Variants in PROX2 observed in about 807,000 individuals in gnomAD.
PROX2 encodes the protein prospero homeobox protein 2.
PROX2 carries 46 observed loss-of-function variants against 48.9 expected under a neutral mutation model. That is an observed-to-expected ratio of 0.94 (90% confidence interval 0.74 to 1.20). The LOEUF (loss-of-function observed/expected upper bound fraction) is 1.20, where lower values mean the gene tolerates loss of function less well. PROX2 is among the 50% of genes most tolerant of loss of function. PROX2 has a pLI of 0.00. For missense variants in PROX2, 663 were observed against 719.4 expected (o/e 0.92, Z 0.90); for synonymous variants, 260 against 276.6 (o/e 0.94, Z 0.60).
chr14:74,857,232 G>T, intron 4 of PROX2: 1 of 412,952 alleles, frequency 2.4e-6, no homozygotes, highest in Non-Finnish European at 4.3e-6. Context: ...TGATATGCTA[G>T]ATTTATGGGG....
intron 1 of PROX2, among the ~76,000 whole-genome samples, chr14:74,875,416 T>A (rs1302509029): frequency 1.3e-5 from 2 of 152,266 alleles, no homozygotes; most frequent in Non-Finnish European, 2.9e-5. Flanking sequence ...CTGCAATGCC[T>A]CCTTGCTCTC....
In PROX2 at chr14:74,863,585, G is replaced by A. The variant is rs555931182; in HGVS notation, c.250C>T (p.Pro84Ser). ...CTGACCCCAGCTTGCGCATTGCCTG[G>A]CACCAGAGGATTCGGGGAGAGACAC... Reference protein sequence around the residue: ...GMCLSPNPLVPGNAQAGVSPR... With the variant: ...GMCLSPNPLVSGNAQAGVSPR... Residue 84 changes from proline to serine, a missense_variant, in exon 3 of 6, where the codon CCA (proline) becomes TCA (serine). By Grantham distance (74) the Pro-to-Ser change is moderately conservative. Coordinates refer to ENST00000556489, the MANE Select transcript of PROX2 (RefSeq NM_001243007.2). 5.6e-6 allele frequency: 9 copies of A among 1,611,992 alleles called. No individual in the cohort carries two copies. The African/African-American group carries it at 1.1e-4, about 19-fold the overall frequency.
Position 74,863,889 on chromosome 14 carries a change from A to G in PROX2, c.-55T>C. On this transcript the variant is annotated 5_prime_UTR_variant, in exon 3 of 6. Transcript: ENST00000556489. Reference sequence around the variant, plus strand: ...TCCTCCTCCTTATTTCCTCAGCTGGAAGTGCACCCAGAATGCGCTGGGCTT... The same window carrying G: ...TCCTCCTCCTTATTTCCTCAGCTGGGAGTGCACCCAGAATGCGCTGGGCTT... 1.4e-6 allele frequency: 2 copies of G among 1,435,222 alleles called. No homozygotes were observed. Among genetic ancestry groups the G allele is most frequent in the African/African-American group, 1.4e-5 (1 of 69,822 alleles). 88.9% of individuals were successfully genotyped at this position (1,435,222 alleles called of 1,614,324 possible).
intron 3 of PROX2, chr14:74,861,360 G>T: frequency 1.9e-6 from 1 of 538,474 alleles, no homozygotes; most frequent in Non-Finnish European, 3.3e-6. Flanking sequence ...CTTGTTAGAA[G>T]TGGTCATATG....
Position 74,853,688 on chromosome 14 carries a change from T to C in PROX2, c.*1444A>G, listed in dbSNP as rs1348632815. On this transcript the variant is annotated 3_prime_UTR_variant, in exon 6 of 6. Coordinates refer to ENST00000556489, the MANE Select transcript of PROX2 (RefSeq NM_001243007.2). Reference sequence around the variant, plus strand: ...GAGTAGCCGAATATGAAACTTGTTTTATATAGACAGGAAAGAAGCTAATGA... The same window carrying C: ...GAGTAGCCGAATATGAAACTTGTTTCATATAGACAGGAAAGAAGCTAATGA... The C allele has an allele frequency of 6.6e-6, 1 of 152,180 alleles. No homozygotes were observed. The highest frequency in any genetic ancestry group is 1.9e-4 in the East Asian group (1 of 5,198). The allele number at this position is 152,180 out of a possible 1,614,324, so 9.4% of individuals were successfully genotyped here.
At chr14:74,862,479 C>A in intron 3 of PROX2, 51 bp downstream of exon 3, 2 of 1,560,784 alleles carry the variant, frequency 1.3e-6, no homozygotes, top group Non-Finnish European at 1.7e-6. Flanking sequence ...CAAGCATGAG[C>A]CACACTGCAC....
Position 74,855,293 on chromosome 14 carries a change from A to G in PROX2, c.1618T>C (p.Cys540Arg), listed in dbSNP as rs773892239. 8 of 1,552,396 alleles carry G rather than the reference A, an allele frequency of 5.2e-6. No individual in the cohort carries two copies. The highest frequency in any genetic ancestry group is 5.3e-6 in the Non-Finnish European group (6 of 1,139,240). ...NKGNDFEVPD[C>R]FLEIASLTLQ... ...GTCAAGCTGGCAATTTCCAAGAAGC[A>G]ATCTGGAACCTGCATTTCCAAAGAG... Residue 540 changes from cysteine (C) to arginine (R), a missense_variant, in exon 6 of 6, where the codon TGC (cysteine) becomes CGC (arginine). Physicochemically the swap from Cys to Arg is radical, Grantham distance 180 (BLOSUM62 -3). Transcript: ENST00000556489.
At position 74,863,639 on chromosome 14, in the gene PROX2, C is replaced by T; in HGVS notation, c.196G>A (p.Ala66Thr). The part of the protein sequence containing the change: ...FGDEHIQAKR[A>T]RVETIVRGMC... ...CCTCGGACAATGGTCTCCACTCTGG[C>T]CCTCTTTGCCTGGATGTGCTCATCA... The change falls in exon 3 of 6, where the codon GCC (alanine) becomes ACC (threonine). Residue 66 changes from alanine to threonine, a missense_variant. Physicochemically the swap from Ala to Thr is moderately conservative, Grantham distance 58. Transcript: ENST00000556489. 2.5e-6 allele frequency: 4 copies of T among 1,586,532 alleles called. No individual in the cohort carries two copies. Among genetic ancestry groups the T allele is most frequent in the Non-Finnish European group, 3.4e-6 (4 of 1,166,858 alleles).
intron 3 of PROX2, 62 bp downstream of exon 3, chr14:74,862,468 A>C: frequency 6.5e-7 from 1 of 1,546,418 alleles, no homozygotes; most frequent in Non-Finnish European, 8.7e-7. Flanking sequence ...CACTGGGATT[A>C]CAAGCATGAG....
chr14:74,863,608 C>G lies in PROX2; in HGVS notation c.227G>C (p.Cys76Ser), dbSNP rs753787443. ...ARVETIVRGM[C>S]LSPNPLVPGN... ...TGGCACCAGAGGATTCGGGGAGAGA[C>G]ACATGCCTCGGACAATGGTCTCCAC... Residue 76 changes from cysteine (C) to serine (S), a missense_variant, in exon 3 of 6, where the codon TGT becomes TCT. By Grantham distance (112) the Cys-to-Ser change is moderately radical. Coordinates refer to ENST00000556489, the MANE Select transcript of PROX2 (RefSeq NM_001243007.2). The G allele has an allele frequency of 4.4e-6, 7 of 1,606,812 alleles. No individual in the cohort carries two copies. Among genetic ancestry groups the G allele is most frequent in the Non-Finnish European group, 6.0e-6 (7 of 1,176,410 alleles).
intron 3 of PROX2, chr14:74,861,173 C>CA (rs1177810063): frequency 7.4e-7 from 1 of 1,343,674 alleles, no homozygotes; most frequent in Admixed American, 1.9e-5. Context: ...CTGCTGCCCT[C>CA]ACAGTAGTTG....
chr14:74,874,056 T>C, intron 1 of PROX2: 1 of 523,630 alleles, frequency 1.9e-6, no homozygotes, highest in Non-Finnish European at 3.9e-6. Context: ...ACAGTAATTA[T>C]GAATCCGCCT....
chr14:74,875,279 A>C (rs1883313008), intron 1 of PROX2, among the ~76,000 whole-genome samples: 1 of 152,254 alleles, frequency 6.6e-6, no homozygotes, highest in Non-Finnish European at 1.5e-5. Context: ...TCATTTTTCT[A>C]AAAACCAAGG....
Position 74,856,837 on chromosome 14 carries a change from A to T in PROX2, c.1572T>A (p.Ala524=). 6.2e-7 allele frequency: 1 copy of T among 1,614,008 alleles called. No individual in the cohort carries two copies. Among genetic ancestry groups the T allele is most frequent in the Non-Finnish European group, 8.5e-7 (1 of 1,179,886 alleles). The part of the protein sequence containing the change: ...VVLRNSELFQ[A]LNMHYNKGND... ...TTCCCTTGTTGTAGTGCATATTGAG[A>T]GCTTGAAAAAGTTCTGAATTGCGGA... The change falls in exon 5 of 6, where the codon GCT becomes GCA. Residue 524 remains alanine (A), a synonymous_variant. Transcript: ENST00000556489.
Position 74,863,031 on chromosome 14 carries a change from T to G in PROX2, c.804A>C (p.Arg268Ser). The change falls in exon 3 of 6, where the codon AGA (arginine) becomes AGC (serine). Residue 268 changes from arginine (R) to serine (S), a missense_variant. Physicochemically the swap from Arg to Ser is moderately radical, Grantham distance 110 (BLOSUM62 -1). Coordinates refer to ENST00000556489, the MANE Select transcript of PROX2 (RefSeq NM_001243007.2). ...CTCCCACAGGAGGTGAGGGCTCGCT[T>G]CTACCCTCTGCCACCTGCCCCTGGA... ...RSFQGQVAEG[R>S]SEPSPPVGGA... 6.2e-7 allele frequency: 1 copy of G among 1,613,948 alleles called. No individual in the cohort carries two copies. The highest frequency in any genetic ancestry group is 8.5e-7 in the Non-Finnish European group (1 of 1,179,842).
chr14:74,874,251 G>GT (rs35863744), intron 1 of PROX2: 24,630 of 277,520 alleles, frequency 0.089, 128 homozygotes, highest in South Asian at 0.1. Flanking sequence ...CATCATACAA[G>GT]TTTTTTTTTT....
In PROX2 at chr14:74,854,210, G is replaced by T. The variant is rs1189222696; in HGVS notation, c.*922C>A. 1.8e-5 allele frequency: 8 copies of T among 445,188 alleles called. No individual in the cohort carries two copies. In the East Asian group the frequency reaches 5.1e-4, roughly 28 times the overall value. 27.6% of individuals were successfully genotyped at this position (445,188 alleles called of 1,614,324 possible). ...GTTGGGGCACCAATTGCAATGGTCA[G>T]CTGGAGACTATTTGCATTATCCAGC... is the stretch of plus-strand genomic sequence containing the variant. On this transcript the variant is annotated 3_prime_UTR_variant, in exon 6 of 6. Coordinates refer to ENST00000556489, the MANE Select transcript of PROX2 (RefSeq NM_001243007.2).
At chr14:74,865,839 C>T (rs908563973) in intron 2 of PROX2, among the ~76,000 whole-genome samples, 3 of 151,262 alleles carry the variant, frequency 2.0e-5, no homozygotes, top group African/African-American at 7.3e-5. Context: ...TAAAAAAAAT[C>T]ATAATCATAG....
At position 74,853,637 on chromosome 14, in the gene PROX2, AC is replaced by A. The variant is rs1390604394; in HGVS notation, c.*1494del. 3.9e-5 allele frequency: 6 copies of A among 152,138 alleles called. No individual in the cohort carries two copies. The highest frequency in any genetic ancestry group is 1.4e-4 in the African/African-American group (6 of 41,418). 9.4% of individuals were successfully genotyped at this position (152,138 alleles called of 1,614,324 possible). The stretch of plus-strand genomic sequence containing the variant: ...ATTTTATCTCATCTGCTCCAGCAAC[AC>A]CCCACCAGAAAAATTATGGAAGTTG... On this transcript the variant is annotated 3_prime_UTR_variant, in exon 6 of 6. Coordinates refer to ENST00000556489, the MANE Select transcript of PROX2 (RefSeq NM_001243007.2).
Sources: allele counts gnomAD v4.1 joint callset (sites outside exome capture counted in the v4.1 genomes callset), GRCh38; gene constraint gnomAD v4.1.1; transcripts MANE v1.5; gene names NCBI Gene and HGNC (gene_info 2026-07-23, HGNC 2026-07-21).